Variants in TENM2 observed in about 807,000 individuals in gnomAD.
TENM2 encodes teneurin transmembrane protein 2, also known as teneurin-2.
TENM2 carries 52 observed loss-of-function variants against 245.2 expected under a neutral mutation model. The ratio of observed to expected loss-of-function variants is 0.21; its 90% confidence interval spans 0.17 to 0.27. TENM2 has a LOEUF of 0.27. Among genes scored for constraint, TENM2 ranks in the 10% least tolerant of loss-of-function variants. The probability of loss-of-function intolerance (pLI) is 1.00; values close to 1 mark genes in which losing one functional copy is unlikely to be tolerated. For missense variants in TENM2, 3,046 were observed against 3,666.8 expected (o/e 0.83, Z 4.37); for synonymous variants, 1,363 against 1,438.9 (o/e 0.95, Z 1.19).
chr5:167,433,425 G>A (rs1302047589), intron 2 of TENM2, among the ~76,000 whole-genome samples: 1 of 152,062 alleles, frequency 6.6e-6, no homozygotes, highest in East Asian at 1.9e-4. Context: ...GTATCAGGTG[G>A]AGATTAAGAC....
chr5:167,752,170 C>T (rs1426018811), intron 2 of TENM2, among the ~76,000 whole-genome samples: 2 of 151,942 alleles, frequency 1.3e-5, no homozygotes, highest in African/African-American at 4.8e-5. Context: ...TCTCAGCTCA[C>T]TGCAACCTCC....
chr5:167,407,146 C>A (rs904920720), intron 2 of TENM2, among the ~76,000 whole-genome samples: 1 of 152,112 alleles, frequency 6.6e-6, no homozygotes, highest in Non-Finnish European at 1.5e-5. Flanking sequence ...TCAAGTTCAT[C>A]TCTCTTTCTC....
chr5:168,038,020 C>T (rs1440837682), intron 5 of TENM2, among the ~76,000 whole-genome samples: 1 of 152,282 alleles, frequency 6.6e-6, no homozygotes, highest in East Asian at 1.9e-4. Flanking sequence ...CCATTCTTCA[C>T]TGATGCTTAG....
At chr5:167,044,299 G>C in the TENM2 span, among the ~76,000 whole-genome samples, 1 of 152,178 alleles carries the variant, frequency 6.6e-6, no homozygotes, top group Non-Finnish European at 1.5e-5. Context: ...GAAGTATCAA[G>C]TATGATGGCT....
At chr5:168,093,899 A>G (rs1793151229) in intron 8 of TENM2, among the ~76,000 whole-genome samples, 1 of 152,164 alleles carries the variant, frequency 6.6e-6, no homozygotes, top group Non-Finnish European at 1.5e-5. Context: ...AATACTTTAA[A>G]TATGAGTTGT....
At chr5:168,041,287 T>G (rs1329966959) in intron 5 of TENM2, among the ~76,000 whole-genome samples, 1 of 152,176 alleles carries the variant, frequency 6.6e-6, no homozygotes, top group Non-Finnish European at 1.5e-5. Flanking sequence ...AAATGTAGAT[T>G]ATATTACCAC....
chr5:167,825,229 T>C (rs917968064), intron 2 of TENM2, among the ~76,000 whole-genome samples: 3 of 151,958 alleles, frequency 2.0e-5, no homozygotes, highest in African/African-American at 7.3e-5. Flanking sequence ...GATAGACACA[T>C]AATCCAGCAG....
At chr5:167,988,513 A>G (rs1783417166) in intron 4 of TENM2, among the ~76,000 whole-genome samples, 1 of 152,212 alleles carries the variant, frequency 6.6e-6, no homozygotes, top group Admixed American at 6.5e-5. Context: ...ATCTCTCTGA[A>G]AAAGTGCTAT....
chr5:167,743,636 C>A (rs1340171531), intron 2 of TENM2, among the ~76,000 whole-genome samples: 1 of 152,024 alleles, frequency 6.6e-6, no homozygotes, highest in African/African-American at 2.4e-5. Context: ...TTGAAATAAA[C>A]CTCAAAGAGA....
At chr5:168,107,380 A>T (rs184822177) in intron 9 of TENM2, among the ~76,000 whole-genome samples, 128 of 152,262 alleles carry the variant, frequency 8.4e-4, no homozygotes, top group African/African-American at 2.7e-3. Context: ...CTGTCCTCAA[A>T]CACCTTCAGT....
chr5:167,412,567 T>C (rs900024064), intron 2 of TENM2, among the ~76,000 whole-genome samples: 1 of 152,138 alleles, frequency 6.6e-6, no homozygotes, highest in African/African-American at 2.4e-5. Flanking sequence ...TTACTCAATC[T>C]TAGAAGTAGC....
intron 2 of TENM2, among the ~76,000 whole-genome samples, chr5:167,541,568 G>T (rs1393878208): frequency 6.6e-6 from 1 of 152,162 alleles, no homozygotes; most frequent in Admixed American, 6.5e-5. Context: ...TCTCACTTCA[G>T]TGTTGTAAAT....
intron 2 of TENM2, among the ~76,000 whole-genome samples, chr5:167,500,473 A>C (rs1363149706): frequency 6.6e-6 from 1 of 152,130 alleles, no homozygotes; most frequent in Non-Finnish European, 1.5e-5. Context: ...TCTCCATTAT[A>C]TCTCAAAATT....
At chr5:168,136,516 C>T (rs1425491299) in intron 12 of TENM2, among the ~76,000 whole-genome samples, 2 of 152,212 alleles carry the variant, frequency 1.3e-5, no homozygotes, top group Non-Finnish European at 2.9e-5. Context: ...GGTGCTCACG[C>T]TACTGAAGTC....
intron 4 of TENM2, among the ~76,000 whole-genome samples, chr5:167,976,424 A>G (rs1659695861): frequency 6.6e-6 from 1 of 152,218 alleles, no homozygotes; most frequent in Admixed American, 6.5e-5. Context: ...ATATTTAAGT[A>G]TTAGGTTTGT....
chr5:168,118,476 CTG>C lies in TENM2; in HGVS notation c.2001_2002del (p.Cys667Ter). 1 of 1,545,906 alleles carries C rather than the reference CTG, an allele frequency of 6.5e-7. No homozygotes were observed. The highest frequency in any genetic ancestry group is 8.8e-7 in the Non-Finnish European group (1 of 1,135,260). The stretch of plus-strand genomic sequence containing the variant: ...GCTCTGCTGGCTACAAAGGCGAGCA[CTG>C]TGAGGAAGGTAAGCCCGCCGGCCCC... On this transcript the variant is annotated frameshift_variant, in exon 10 of 29. Coordinates refer to ENST00000518659, the Ensembl canonical transcript of TENM2. LOFTEE classifies it high-confidence loss of function.
At chr5:168,036,142 GATCCGGC>G (rs1787644241) in intron 5 of TENM2, among the ~76,000 whole-genome samples, 1 of 152,148 alleles carries the variant, frequency 6.6e-6, no homozygotes, top group East Asian at 1.9e-4. Flanking sequence ...ATGGAGTTAG[GATCCGGC>G]ATGGGATCAT....
Position 167,369,245 on chromosome 5 carries a change from G to T in TENM2, c.227-5953G>T, listed in dbSNP as rs114552480. Reference sequence around the variant, plus strand: ...CCCATTTTTCAGAAACTGCTTATGTGATTTTTGTATGTAATGTCCAGGGGT... The same window carrying T: ...CCCATTTTTCAGAAACTGCTTATGTTATTTTTGTATGTAATGTCCAGGGGT... On this transcript the variant is annotated intron_variant, in intron 1 of 28. Transcript: ENST00000518659. Among the ~76,000 whole-genome samples, 1,240 of 152,250 alleles carry T rather than the reference G, an allele frequency of 8.1e-3. 20 individuals carry two copies. The highest frequency in any genetic ancestry group is 0.029 in the African/African-American group (1,194 of 41,542).
At chr5:167,868,982 A>G (rs1438637308) in intron 2 of TENM2, among the ~76,000 whole-genome samples, 1 of 152,068 alleles carries the variant, frequency 6.6e-6, no homozygotes, top group Non-Finnish European at 1.5e-5. Flanking sequence ...CTTCACAACA[A>G]CATGTAGAGT....
Sources: gnomAD v4.1 joint callset for allele counts (sites outside exome capture counted in the v4.1 genomes callset) on GRCh38, gnomAD v4.1.1 for gene constraint, MANE v1.5 for transcripts, NCBI Gene and HGNC (gene_info 2026-07-23, HGNC 2026-07-21) for gene names.